TGM7: variants seen among roughly 807,000 people sequenced by gnomAD.
TGM7 encodes the protein transglutaminase 7.
Under a neutral mutation model 79.5 loss-of-function variants are expected in TGM7, and 74 were observed. That is an observed-to-expected ratio of 0.93 (90% confidence interval 0.77 to 1.13). The LOEUF (loss-of-function observed/expected upper bound fraction) is 1.13, where lower values mean the gene tolerates loss of function less well. TGM7 is among the 50% of genes most tolerant of loss of function. The pLI, the probability that TGM7 is intolerant of heterozygous loss-of-function variation, is 0.00. For missense variants in TGM7, 912 were observed against 905.9 expected, an observed-to-expected ratio of 1.01 and a Z score of -0.09; for synonymous variants, 354 against 362.5, an observed-to-expected ratio of 0.98 and a Z score of 0.27.
rs748286560 is a variant in TGM7, at chr15:43,287,440, G to T, written c.705C>A (p.Asp235Glu). 6.2e-7 allele frequency: 1 copy of T among 1,614,116 alleles called. No homozygotes were observed. The stretch of plus-strand genomic sequence containing the variant: ...CCCAGTTCCCCTGCAGCACGCCATT[G>T]TCATCGTTGCTGTTGATCTGCAGAG... ...VVSAMINSND[D>E]NGVLQGNWGE... The change falls in exon 6 of 13, where the codon GAC (aspartate) becomes GAA (glutamate). Residue 235 changes from aspartate (D) to glutamate (E), a missense_variant. Asp to Glu is a conservative substitution (Grantham distance 45). Coordinates refer to ENST00000452443, the MANE Select transcript of TGM7 (RefSeq NM_052955.3).
chr15:43,296,705 C>T (rs2042994044), intron 1 of TGM7, among the ~76,000 whole-genome samples: 2 of 152,112 alleles, frequency 1.3e-5, no homozygotes, highest in South Asian at 4.1e-4. Context: ...CAATTTTCCC[C>T]TAAGCCAGAC....
chr15:43,293,693 G>A, intron 1 of TGM7, 62 bp from the exon 2 acceptor site: 2 of 1,347,784 alleles, frequency 1.5e-6, no homozygotes, highest in East Asian at 2.7e-5. Context: ...GGCATCCCTT[G>A]TGGCTTCTCA....
chr15:43,301,405 G>T (rs2043024602), intron 1 of TGM7, among the ~76,000 whole-genome samples: 1 of 151,586 alleles, frequency 6.6e-6, no homozygotes, highest in South Asian at 2.1e-4. Context: ...CAAGGTGGGT[G>T]GGTCACCTGA....
Position 43,279,626 on chromosome 15 carries a change from C to T in TGM7, c.1677G>A (p.Lys559=), listed in dbSNP as rs757176494. 1.3e-6 allele frequency: 2 copies of T among 1,578,202 alleles called. No individual in the cohort carries two copies. The highest frequency in any genetic ancestry group is 1.2e-5 in the South Asian group (1 of 86,252). Residue 559 remains lysine (K), a splice_region_variant and synonymous_variant, in exon 10 of 13, where the codon AAG becomes AAA. Transcript: ENST00000452443. Reference sequence around the variant, plus strand: ...TTCTCAGGCCTGCCTCACACTCACCCTTCCCAAAGTCCAGGTTCATCCGCA... The same window carrying T: ...TTCTCAGGCCTGCCTCACACTCACCTTTCCCAAAGTCCAGGTTCATCCGCA... ...HTVRMNLDFG[K]ETQWPLLLPY... is the part of the protein sequence containing the mutation.
chr15:43,284,766 G>A (rs1288445271), intron 7 of TGM7, 48 bp downstream of exon 7: 1 of 1,600,858 alleles, frequency 6.2e-7, no homozygotes, highest in East Asian at 2.2e-5. Context: ...CAGTTTTTCT[G>A]CCCTCCCTGG....
intron 6 of TGM7, among the ~76,000 whole-genome samples, chr15:43,285,807 C>A (rs111259543): frequency 0.012 from 1,761 of 151,634 alleles, 28 homozygotes; most frequent in African/African-American, 0.04. Flanking sequence ...TTTCACAAAT[C>A]TAGTCACACA....
At chr15:43,296,765 C>A (rs1344723946) in intron 1 of TGM7, among the ~76,000 whole-genome samples, 1 of 152,148 alleles carries the variant, frequency 6.6e-6, no homozygotes, top group Admixed American at 6.5e-5. Context: ...AAGATGTCTT[C>A]CTCTCCAGAG....
chr15:43,298,851 TA>T (rs1485897061), intron 1 of TGM7, among the ~76,000 whole-genome samples: 1 of 152,176 alleles, frequency 6.6e-6, no homozygotes, highest in African/African-American at 2.4e-5. Flanking sequence ...TCTTAAAAAA[TA>T]ATAATTTGTG....
intron 9 of TGM7, among the ~76,000 whole-genome samples, chr15:43,280,385 A>G (rs1315562968): frequency 6.6e-6 from 1 of 152,064 alleles, no homozygotes; most frequent in South Asian, 2.1e-4. Context: ...GCAATTTGGG[A>G]GGTTGAGATG....
chr15:43,289,199 C>T (rs1375165154), intron 4 of TGM7, among the ~76,000 whole-genome samples: 3 of 152,132 alleles, frequency 2.0e-5, no homozygotes, highest in Non-Finnish European at 4.4e-5. Flanking sequence ...TCTCCTAATG[C>T]TATCCCTCCC....
In TGM7 at chr15:43,279,808, T is replaced by C. The variant is rs559039870; in HGVS notation, c.1495A>G (p.Ile499Val). Reference protein sequence around the residue: ...PAQLQLHLARIPEWGQDLQLL... With the variant: ...PAQLQLHLARVPEWGQDLQLL... Reference sequence around the variant, plus strand: ...TGCAGGTCCTGGCCCCACTCGGGTATCCTGGCCAGGTGAAGCTGCAGCTGC... The same window carrying C: ...TGCAGGTCCTGGCCCCACTCGGGTACCCTGGCCAGGTGAAGCTGCAGCTGC... The change falls in exon 10 of 13, where the codon ATA (isoleucine) becomes GTA (valine). Residue 499 changes from isoleucine (I) to valine (V), a missense_variant. By Grantham distance (29) the Ile-to-Val change is conservative (BLOSUM62 3). Coordinates refer to ENST00000452443, the MANE Select transcript of TGM7 (RefSeq NM_052955.3). The C allele has an allele frequency of 4.3e-6, 7 of 1,614,174 alleles. No homozygotes were observed. In the African/African-American group the frequency reaches 6.7e-5, roughly 15 times the overall value.
intron 7 of TGM7, among the ~76,000 whole-genome samples, chr15:43,283,070 T>C (rs2042917546): frequency 6.6e-6 from 1 of 151,736 alleles, no homozygotes. Flanking sequence ...CAAAAAAGAG[T>C]AGTACAAAGA....
At chr15:43,293,115 G>T (rs1596464356) in intron 2 of TGM7, among the ~76,000 whole-genome samples, 161 bp from the exon 3 acceptor site, 1 of 152,116 alleles carries the variant, frequency 6.6e-6, no homozygotes, top group Non-Finnish European at 1.5e-5. Flanking sequence ...AGACCCCCAG[G>T]CCTCCGTTTT....
chr15:43,279,920 C>T lies in TGM7; in HGVS notation c.1383G>A (p.Lys461=). The change falls in exon 10 of 13, where the codon AAG becomes AAA. Residue 461 remains lysine, a synonymous_variant. Coordinates refer to ENST00000452443, the MANE Select transcript of TGM7 (RefSeq NM_052955.3). The part of the protein sequence containing the change: ...GSPEERAVFM[K]ASRKMLGPQR... ...GGGGGCCCAGCATTTTCCGAGAAGC[C>T]TTCATGAAGACAGCTCTCTCCTCAG... 11 of 1,614,180 alleles carry T rather than the reference C, an allele frequency of 6.8e-6. No individual in the cohort carries two copies. Among genetic ancestry groups the T allele is most frequent in the Non-Finnish European group, 9.3e-6 (11 of 1,180,010 alleles).
intron 3 of TGM7, 64 bp downstream of exon 3, chr15:43,292,645 A>G: frequency 1.3e-6 from 2 of 1,581,106 alleles, no homozygotes; most frequent in Non-Finnish European, 1.7e-6. Context: ...GGCTTTTTCC[A>G]AAGAACCTCA....
At position 43,291,964 on chromosome 15, in the gene TGM7, G is replaced by T. The variant is rs2042965363; in HGVS notation, c.558+15C>A. The T allele has an allele frequency of 6.3e-7, 1 of 1,598,082 alleles. No individual in the cohort carries two copies. Among genetic ancestry groups the T allele is most frequent in the Non-Finnish European group, 8.6e-7 (1 of 1,165,652 alleles). On this transcript the variant is annotated intron_variant, in intron 4 of 12. Coordinates refer to ENST00000452443, the MANE Select transcript of TGM7 (RefSeq NM_052955.3). ...AGGGAGCCCACCCCAGGCCCACATT[G>T]GGTAATAGTGTTACCTGCCCGTAGT...
intron 9 of TGM7, among the ~76,000 whole-genome samples, chr15:43,280,288 C>G (rs1450935758): frequency 6.6e-6 from 1 of 152,108 alleles, no homozygotes; most frequent in Non-Finnish European, 1.5e-5. Flanking sequence ...GCTTCTCTCC[C>G]CTACCAGCAT....
At chr15:43,281,572 G>T (rs1444079530) in intron 9 of TGM7, among the ~76,000 whole-genome samples, 1 of 152,222 alleles carries the variant, frequency 6.6e-6, no homozygotes. Context: ...GAATAAGTAT[G>T]TCTCATACAA....
At position 43,276,376 on chromosome 15, in the gene TGM7, G is replaced by A; in HGVS notation, c.*79C>T. On this transcript the variant is annotated 3_prime_UTR_variant, in exon 13 of 13. Coordinates refer to ENST00000452443, the MANE Select transcript of TGM7 (RefSeq NM_052955.3). Reference sequence around the variant, plus strand: ...GCAGGCTAGAGAGAGGACAGAGGTGGAGCCAAGACGACATAGCCAGGAGTA... The same window carrying A: ...GCAGGCTAGAGAGAGGACAGAGGTGAAGCCAAGACGACATAGCCAGGAGTA... 1 of 1,509,754 alleles carries A rather than the reference G, an allele frequency of 6.6e-7. No individual in the cohort carries two copies. The highest frequency in any genetic ancestry group is 1.3e-5 in the South Asian group (1 of 77,698). 93.5% of individuals were successfully genotyped at this position (1,509,754 alleles called of 1,614,324 possible). A position where few individuals can be genotyped will look rare whatever the true frequency, so the allele number is the denominator to read the frequency against.
Sources: gnomAD v4.1 joint callset for allele counts (sites outside exome capture counted in the v4.1 genomes callset) on GRCh38, gnomAD v4.1.1 for gene constraint, MANE v1.5 for transcripts, NCBI Gene and HGNC (gene_info 2026-07-23, HGNC 2026-07-21) for gene names.